The following BCL11A variants were observed in gnomAD, a reference collection of about 807,000 sequenced individuals.
BCL11A encodes BCL11 transcription factor A, also known as B cell CLL/lymphoma 11A.
BCL11A carries 2 observed loss-of-function variants against 55.9 expected under a neutral mutation model. The ratio of observed to expected loss-of-function variants is 0.04; its 90% confidence interval spans 0.01 to 0.11. The LOEUF is 0.11. BCL11A is among the 10% of genes least tolerant of loss of function. BCL11A has a pLI of 1.00. For synonymous variants in BCL11A, 465 were observed against 473.4 expected (o/e 0.98, Z 0.23); for missense variants, 817 against 1,137.1 (o/e 0.72, Z 4.05).
rs574188263 is a variant in BCL11A, at chr2:60,471,897, C to A, written c.386-3064G>T. ...AAATTGAGGGTGGGGAAGCAGCCTT[C>A]TATGTTGAATAAATTCTCCAGGTGA... is the stretch of plus-strand genomic sequence containing the variant. On this transcript the variant is annotated intron_variant, in intron 2 of 3. Coordinates refer to ENST00000642384, the MANE Select transcript of BCL11A (RefSeq NM_022893.4). Among the ~76,000 whole-genome samples, 6 of 152,286 alleles carry A rather than the reference C, an allele frequency of 3.9e-5. No individual in the cohort carries two copies. The South Asian group carries it at 1.2e-3, about 32-fold the overall frequency.
chr2:60,536,247 C>G (rs990854073), intron 2 of BCL11A: 2 of 152,244 alleles, frequency 1.3e-5, no homozygotes, highest in Non-Finnish European at 2.9e-5. Flanking sequence ...CTCTCTCCCC[C>G]AGCCTCAGAC....
At chr2:60,481,029 G>C (rs927553175) in intron 2 of BCL11A, among the ~76,000 whole-genome samples, 1 of 152,206 alleles carries the variant, frequency 6.6e-6, no homozygotes, top group Non-Finnish European at 1.5e-5. Flanking sequence ...GAAGCCCCCA[G>C]CTGCCTCCCT....
rs760683236 is a variant in BCL11A, at chr2:60,459,829, C to A, written c.*575G>T. 3.8e-4 allele frequency: 400 copies of A among 1,043,132 alleles called. No homozygotes were observed. The highest frequency in any genetic ancestry group is 4.5e-4 in the Non-Finnish European group (391 of 865,318). 64.6% of individuals were successfully genotyped at this position (1,043,132 alleles called of 1,614,324 possible). On this transcript the variant is annotated 3_prime_UTR_variant, in exon 4 of 4. Transcript: ENST00000642384. ...CATAGAGATTTTTTTTCAGTGCTAT[C>A]TATTCTGTCTATAGAGGGTTAATCC...
At chr2:60,468,007 G>A (rs1318074785) in intron 3 of BCL11A, among the ~76,000 whole-genome samples, 6 of 85,394 alleles carry the variant, frequency 7.0e-5, no homozygotes, top group South Asian at 5.1e-4. Context: ...TGGTGGTGGT[G>A]ATGGTGGTGG....
downstream of BCL11A, chr2:60,450,719 C>G (rs1331469672): frequency 6.6e-6 from 1 of 152,248 alleles, no homozygotes; most frequent in African/African-American, 2.4e-5. Context: ...AAGTCACAAA[C>G]AGGCCACTCG....
At chr2:60,501,402 G>A (rs959605397) in intron 2 of BCL11A, among the ~76,000 whole-genome samples, 1 of 151,850 alleles carries the variant, frequency 6.6e-6, no homozygotes, top group African/African-American at 2.4e-5. Flanking sequence ...CTTGTAATAT[G>A]ATTAATCACT....
Position 60,461,725 on chromosome 2 carries a change from C to A in BCL11A, c.1187G>T (p.Arg396Leu), listed in dbSNP as rs1327839507. 6.2e-7 allele frequency: 1 copy of A among 1,611,996 alleles called. No homozygotes were observed. Among genetic ancestry groups the A allele is most frequent in the South Asian group, 1.1e-5 (1 of 90,914 alleles). ...GGGCTTCTCGCCCGTGTGGCTGCGCCGGTGCACCACCAGGTTGCTCTGAAA... is the reference window on the plus strand; with the variant it reads ...GGGCTTCTCGCCCGTGTGGCTGCGCAGGTGCACCACCAGGTTGCTCTGAAA... ...FKFQSNLVVH[R>L]RSHTGEKPYK... The change falls in exon 4 of 4, where the codon CGG becomes CTG. Residue 396 changes from arginine to leucine, a missense_variant. Around this residue, in one of 4 missense-constraint regions of BCL11A, gnomAD observed 45 missense variants for 109.0 expected, o/e 0.41. Transcript: ENST00000642384.
intron 2 of BCL11A, among the ~76,000 whole-genome samples, chr2:60,530,190 A>G (rs1424541656): frequency 6.6e-6 from 1 of 152,136 alleles, no homozygotes; most frequent in Non-Finnish European, 1.5e-5. Context: ...CTGCCCAGGA[A>G]AGGCTGCGCC....
chr2:60,491,462 C>T (rs1678627647), intron 2 of BCL11A, among the ~76,000 whole-genome samples: 1 of 152,016 alleles, frequency 6.6e-6, no homozygotes, highest in African/African-American at 2.4e-5. Flanking sequence ...CACCTGAGGT[C>T]AGGAGTTCAA....
chr2:60,497,582 C>T (rs1051033348), intron 2 of BCL11A, among the ~76,000 whole-genome samples: 12 of 150,830 alleles, frequency 8.0e-5, no homozygotes, highest in African/African-American at 2.9e-4. Flanking sequence ...CTACCTACGT[C>T]AGTGCCATAT....
intron 2 of BCL11A, chr2:60,543,863 C>T (rs962316525): frequency 1.3e-5 from 2 of 152,142 alleles, no homozygotes; most frequent in East Asian, 1.9e-4. Context: ...TGATTATTAG[C>T]GCTATAAAAT....
At chr2:60,515,948 A>G (rs1668707809) in intron 2 of BCL11A, among the ~76,000 whole-genome samples, 1 of 152,194 alleles carries the variant, frequency 6.6e-6, no homozygotes, top group Non-Finnish European at 1.5e-5. Flanking sequence ...TTCTCTGGGC[A>G]CCGCTGGGCC....
intron 2 of BCL11A, among the ~76,000 whole-genome samples, chr2:60,520,488 C>T (rs1471751360): frequency 6.6e-6 from 1 of 152,142 alleles, no homozygotes; most frequent in Non-Finnish European, 1.5e-5. Flanking sequence ...AAGAGCATCA[C>T]CCTTCGGTGG....
At chr2:60,465,279 T>C (rs1359527836) in intron 3 of BCL11A, among the ~76,000 whole-genome samples, 1 of 152,272 alleles carries the variant, frequency 6.6e-6, no homozygotes, top group Non-Finnish European at 1.5e-5. Context: ...ATTGATTTCC[T>C]GTGTGGCAAA....
chr2:60,480,263 C>T (rs935829085), intron 2 of BCL11A, among the ~76,000 whole-genome samples: 2 of 152,222 alleles, frequency 1.3e-5, no homozygotes, highest in African/African-American at 2.4e-5. Context: ...CTCCATTTCT[C>T]CTGGATCCAA....
chr2:60,458,694 C>T lies in BCL11A; in HGVS notation c.*1710G>A. The T allele has an allele frequency of 9.7e-7, 1 of 1,027,780 alleles. No homozygotes were observed. Among genetic ancestry groups the T allele is most frequent in the Non-Finnish European group, 1.2e-6 (1 of 855,460 alleles). 63.7% of individuals were successfully genotyped at this position (1,027,780 alleles called of 1,614,324 possible). ...TTGCAACTTTTCCCTTAAGTATAGA[C>T]CTGTAAACTGGGAAAATTGTACAGT... On this transcript the variant is annotated 3_prime_UTR_variant, in exon 4 of 4. Coordinates refer to ENST00000642384, the MANE Select transcript of BCL11A (RefSeq NM_022893.4).
chr2:60,481,773 C>G (rs926155253), intron 2 of BCL11A, among the ~76,000 whole-genome samples: 1 of 152,140 alleles, frequency 6.6e-6, no homozygotes, highest in Non-Finnish European at 1.5e-5. Flanking sequence ...TCTAACAGAA[C>G]CCTAGTACAT....
At chr2:60,482,682 G>C (rs1678031143) in intron 2 of BCL11A, among the ~76,000 whole-genome samples, 1 of 152,234 alleles carries the variant, frequency 6.6e-6, no homozygotes. Context: ...CCAAGGTTAA[G>C]ATCAGCTTCC....
chr2:60,540,134 C>CT (rs913210087), intron 2 of BCL11A, among the ~76,000 whole-genome samples: 7 of 151,590 alleles, frequency 4.6e-5, no homozygotes, highest in South Asian at 2.1e-4. Context: ...AAGTTAGAAT[C>CT]TTTTTTTTTA....
Sources: gnomAD v4.1 joint callset for allele counts (sites outside exome capture counted in the v4.1 genomes callset) on GRCh38, gnomAD v4.1.1 for gene constraint, gnomAD v4.1.1 regional missense constraint, MANE v1.5 for transcripts, NCBI Gene and HGNC (gene_info 2026-07-23, HGNC 2026-07-21) for gene names.